UQCRC2: variants seen among roughly 807,000 people sequenced by gnomAD.
UQCRC2 encodes ubiquinol-cytochrome c reductase core protein 2.
Under a neutral mutation model 55.6 loss-of-function variants are expected in UQCRC2, and 49 were observed. The ratio of observed to expected loss-of-function variants is 0.88; its 90% CI spans 0.70 to 1.12. UQCRC2 has a LOEUF of 1.12. Among genes scored for constraint, UQCRC2 ranks in the 50% most tolerant of loss-of-function variants. The pLI, the probability that UQCRC2 is intolerant of heterozygous loss-of-function variation, is 0.00. For missense variants in UQCRC2, 506 were observed against 547.8 expected (o/e 0.92, Z 0.76); for synonymous variants, 193 against 192.0 (o/e 1.01, Z -0.04).
At chr16:21,963,951 T>C (rs565740031) in intron 6 of UQCRC2, among the ~76,000 whole-genome samples, 9 of 152,374 alleles carry the variant, frequency 5.9e-5, no homozygotes, top group African/African-American at 2.2e-4. Flanking sequence ...ATTTTATGTT[T>C]ATATAATGTC....
intron 4 of UQCRC2, among the ~76,000 whole-genome samples, chr16:21,960,436 G>A (rs1336247008): frequency 6.6e-6 from 1 of 152,146 alleles, no homozygotes; most frequent in Non-Finnish European, 1.5e-5. Flanking sequence ...TGACTTAAGG[G>A]AATACAGTTT....
intron 11 of UQCRC2, among the ~76,000 whole-genome samples, chr16:21,975,800 C>CA (rs1898569305): frequency 1.3e-5 from 2 of 152,170 alleles, no homozygotes; most frequent in South Asian, 4.1e-4. Flanking sequence ...ATTAGAAATC[C>CA]ATGTGTTTGG....
At chr16:21,955,901 C>G (rs916392575) in intron 1 of UQCRC2, among the ~76,000 whole-genome samples, 5 of 152,172 alleles carry the variant, frequency 3.3e-5, no homozygotes, top group Non-Finnish European at 1.5e-5. Flanking sequence ...TCTCGGCTCA[C>G]TGCAACCTCC....
intron 2 of UQCRC2, 30 bp from the exon 3 acceptor site, chr16:21,957,387 C>A: frequency 1.2e-6 from 2 of 1,613,892 alleles, no homozygotes; most frequent in Non-Finnish European, 8.5e-7. Context: ...CGAAGACATT[C>A]ATTATATCTC....
Position 21,983,179 on chromosome 16 carries a change from G to A in UQCRC2, c.*8G>A. 1 of 1,612,328 alleles carries A rather than the reference G, an allele frequency of 6.2e-7. No individual in the cohort carries two copies. The highest frequency in any genetic ancestry group is 1.1e-5 in the South Asian group (1 of 91,016). The stretch of plus-strand genomic sequence containing the variant: ...TTTGTTGATGAGTTGTAATACTGAT[G>A]CACACATTACAGGAGAGAGCTGAAC... On this transcript the variant is annotated 3_prime_UTR_variant, in exon 14 of 14. Coordinates refer to ENST00000268379, the MANE Select transcript of UQCRC2 (RefSeq NM_003366.4).
intron 1 of UQCRC2, 83 bp downstream of exon 1, chr16:21,953,539 G>A: frequency 6.5e-7 from 1 of 1,533,698 alleles, no homozygotes; most frequent in South Asian, 1.2e-5. Context: ...TCTGGTCTGG[G>A]GTCTGGGCCT....
chr16:21,960,949 G>T (rs752828238), intron 4 of UQCRC2, among the ~76,000 whole-genome samples: 1 of 151,940 alleles, frequency 6.6e-6, no homozygotes, highest in Non-Finnish European at 1.5e-5. Flanking sequence ...TTCTCCCTCC[G>T]CTTCCCAAGT....
intron 4 of UQCRC2, among the ~76,000 whole-genome samples, chr16:21,959,992 T>A (rs1898163292): frequency 6.6e-6 from 1 of 152,162 alleles, no homozygotes. Context: ...ATAGGCAGAG[T>A]AGATTTAGCA....
At chr16:21,965,303 C>A in intron 6 of UQCRC2, 105 bp from the exon 7 acceptor site, 2 of 990,640 alleles carry the variant, frequency 2.0e-6, no homozygotes, top group Non-Finnish European at 3.1e-6. Context: ...CATATGAATG[C>A]CAGAAGATGA....
chr16:21,971,810 C>T lies in UQCRC2; in HGVS notation c.767-113C>T, dbSNP rs1021769931. 36 of 1,472,104 alleles carry T rather than the reference C, an allele frequency of 2.4e-5. 1 individual carries two copies. The highest frequency in any genetic ancestry group is 1.3e-4 in the South Asian group (11 of 83,018). The allele number at this position is 1,472,104 out of a possible 1,614,324, so 91.2% of individuals were successfully genotyped here. A position where few individuals can be genotyped will look rare whatever the true frequency, so the allele number is the denominator to read the frequency against. ...GGACAGGATGGCATGGGGAAAGCAC[C>T]GAGCTGCAGAAAAGACTCGTGGGTT... is the stretch of plus-strand genomic sequence containing the variant. On this transcript the variant is annotated intron_variant, in intron 9 of 13. Coordinates refer to ENST00000268379, the MANE Select transcript of UQCRC2 (RefSeq NM_003366.4).
At chr16:21,970,068 T>C (rs985181136) in intron 8 of UQCRC2, among the ~76,000 whole-genome samples, 3 of 152,142 alleles carry the variant, frequency 2.0e-5, no homozygotes, top group African/African-American at 7.2e-5. Flanking sequence ...TCATACGATA[T>C]GTGGCCTTTT....
intron 13 of UQCRC2, among the ~76,000 whole-genome samples, 158 bp downstream of exon 13, chr16:21,980,858 C>T (rs185461514): frequency 5.3e-5 from 8 of 152,172 alleles, no homozygotes; most frequent in Non-Finnish European, 7.4e-5. Context: ...CCATAAGATC[C>T]GCAACAAGCT....
At chr16:21,970,152 T>G (rs2141939648) in intron 8 of UQCRC2, among the ~76,000 whole-genome samples, 1 of 152,354 alleles carries the variant, frequency 6.6e-6, no homozygotes, top group African/African-American at 2.4e-5. Flanking sequence ...ATTCAATGTC[T>G]TATTCCCTTT....
intron 13 of UQCRC2, 91 bp downstream of exon 13, chr16:21,980,791 G>A (rs1898705522): frequency 2.0e-6 from 3 of 1,467,168 alleles, no homozygotes; most frequent in South Asian, 1.3e-5. Context: ...CTTGGGCAGT[G>A]TATTATTCTT....
chr16:21,979,293 A>C (rs781654698), intron 12 of UQCRC2, among the ~76,000 whole-genome samples: 1 of 152,174 alleles, frequency 6.6e-6, no homozygotes, highest in Non-Finnish European at 1.5e-5. Flanking sequence ...GCCATGGATC[A>C]ATTATAATTT....
intron 11 of UQCRC2, 128 bp from the exon 12 acceptor site, chr16:21,976,039 A>C: frequency 1.6e-6 from 1 of 614,914 alleles, no homozygotes. Flanking sequence ...AGCATTCCGC[A>C]TGGACACTGT....
At chr16:21,971,644 T>A in intron 9 of UQCRC2, 24 bp downstream of exon 9, 1 of 1,607,182 alleles carries the variant, frequency 6.2e-7, no homozygotes, top group Non-Finnish European at 8.5e-7. Flanking sequence ...TCTATTAGGG[T>A]TAATTTATCA....
chr16:21,962,972 A>AATTTTT (rs753242782), intron 6 of UQCRC2, 87 bp downstream of exon 6: 8 of 1,454,216 alleles, frequency 5.5e-6, no homozygotes, highest in Admixed American at 2.4e-5. Flanking sequence ...TTGCTGTCAA[A>AATTTTT]ATTTTTATTT....
intron 1 of UQCRC2, among the ~76,000 whole-genome samples, chr16:21,953,709 T>C (rs1345841291): frequency 1.3e-5 from 2 of 152,064 alleles, no homozygotes; most frequent in East Asian, 3.9e-4. Flanking sequence ...AGCGAGTCCT[T>C]GGAGAGACTT....
Sources: allele counts gnomAD v4.1 joint callset (sites outside exome capture counted in the v4.1 genomes callset), GRCh38; gene constraint gnomAD v4.1.1; transcripts MANE v1.5; gene names NCBI Gene and HGNC (gene_info 2026-07-23, HGNC 2026-07-21).